Variants in RERG observed in about 807,000 individuals in gnomAD.
RERG encodes RAS like estrogen regulated growth inhibitor, also known as ras-related and estrogen-regulated growth inhibitor.
RERG carries 25 observed loss-of-function variants against 23.2 expected under a neutral mutation model. The observed-to-expected ratio is 1.08, with a 90% CI of 0.79 to 1.50. The LOEUF (loss-of-function observed/expected upper bound fraction) is 1.50. Ranked by LOEUF, RERG falls within the 40% of genes most tolerant of loss-of-function variation. The probability of loss-of-function intolerance (pLI) is 0.00; values close to 1 mark genes in which losing one functional copy is unlikely to be tolerated. For missense variants in RERG, 253 were observed against 250.1 expected (o/e 1.01, Z -0.08); for synonymous variants, 81 against 89.1 (o/e 0.91, Z 0.51).
Position 15,181,119 on chromosome 12 carries a change from C to T in RERG, c.61+36310G>A, listed in dbSNP as rs1000458934. Among the ~76,000 whole-genome samples the T allele has an allele frequency of 9.2e-5, 14 of 152,214 alleles. No individual in the cohort carries two copies. In the East Asian group the frequency reaches 1.2e-3, roughly 13 times the overall value. ...TTTGGTTCACCTTCTGCCGCTGAGA[C>T]TCTAGTAAGCACAGCACATAACATT... On this transcript the variant is annotated intron_variant, in intron 2 of 4. Transcript: ENST00000256953.
chr12:15,166,914 A>G (rs1041225635), intron 2 of RERG, among the ~76,000 whole-genome samples: 6 of 151,776 alleles, frequency 4.0e-5, no homozygotes, highest in African/African-American at 7.3e-5. Flanking sequence ...GGTTAGTTAC[A>G]TATGTATACA....
intron 2 of RERG, among the ~76,000 whole-genome samples, chr12:15,205,089 CTAATAT>C: frequency 6.6e-6 from 1 of 151,988 alleles, no homozygotes; most frequent in East Asian, 1.9e-4. Flanking sequence ...GTATAATTAT[CTAATAT>C]TATTTCAATA....
At chr12:15,213,510 T>TCA (rs1865397104) in intron 2 of RERG, among the ~76,000 whole-genome samples, 1 of 152,200 alleles carries the variant, frequency 6.6e-6, no homozygotes, top group Admixed American at 6.5e-5. Flanking sequence ...CCCACAGAGT[T>TCA]CACTGTACTA....
intron 2 of RERG, among the ~76,000 whole-genome samples, chr12:15,122,174 C>T (rs1447991013): frequency 6.6e-6 from 1 of 152,118 alleles, no homozygotes; most frequent in Non-Finnish European, 1.5e-5. Flanking sequence ...CTGATGGCCT[C>T]CCAGGGATCC....
intron 2 of RERG, among the ~76,000 whole-genome samples, chr12:15,192,517 G>A (rs1274055964): frequency 6.6e-6 from 1 of 152,072 alleles, no homozygotes; most frequent in Non-Finnish European, 1.5e-5. Context: ...ACATATAAAA[G>A]TTATGAAAAT....
chr12:15,140,835 G>A (rs577860351), intron 2 of RERG, among the ~76,000 whole-genome samples: 2 of 151,868 alleles, frequency 1.3e-5, no homozygotes, highest in African/African-American at 4.8e-5. Flanking sequence ...TATGTTTTTA[G>A]TCTTTGTTTT....
chr12:15,134,547 C>A (rs575879759), intron 2 of RERG, among the ~76,000 whole-genome samples: 1 of 152,080 alleles, frequency 6.6e-6, no homozygotes, highest in East Asian at 1.9e-4. Context: ...CTCTGAATGT[C>A]CTTCTCACTT....
At chr12:15,204,541 T>A (rs991520614) in intron 2 of RERG, among the ~76,000 whole-genome samples, 1 of 151,866 alleles carries the variant, frequency 6.6e-6, no homozygotes, top group East Asian at 1.9e-4. Flanking sequence ...ATTAATAACA[T>A]GTGAATTGCT....
At position 15,129,828 on chromosome 12, in the gene RERG, G is replaced by T. The variant is rs183420974; in HGVS notation, c.62-8709C>A. 6.7e-4 allele frequency among the ~76,000 whole-genome samples: 102 copies of T among 152,188 alleles called. 2 individuals carry two copies. The highest frequency in any genetic ancestry group is 2.2e-3 in the African/African-American group (93 of 41,536). On this transcript the variant is annotated intron_variant, in intron 2 of 4. Transcript: ENST00000256953. ...CACTAAGGAGCTTGGATTTTACTCT[G>T]AAGTTTTTGAGCATACAGGGGTTCT... is the stretch of plus-strand genomic sequence containing the variant.
chr12:15,216,111 CCCT>C (rs1487869916), intron 2 of RERG, among the ~76,000 whole-genome samples: 2 of 152,180 alleles, frequency 1.3e-5, no homozygotes, highest in African/African-American at 4.8e-5. Context: ...ACACTGCCTT[CCCT>C]CCATCCTCCA....
chr12:15,160,789 A>T (rs532996391), intron 2 of RERG, among the ~76,000 whole-genome samples: 87 of 152,272 alleles, frequency 5.7e-4, no homozygotes, highest in Non-Finnish European at 1.0e-3. Flanking sequence ...TTGGAAAAAT[A>T]CATCAGGGTT....
chr12:15,220,664 T>A (rs768927317), intron 1 of RERG, among the ~76,000 whole-genome samples: 4 of 152,186 alleles, frequency 2.6e-5, no homozygotes, highest in Non-Finnish European at 5.9e-5. Context: ...TGCTTGGAAC[T>A]TCTGTTTGCA....
intron 2 of RERG, among the ~76,000 whole-genome samples, chr12:15,172,967 A>C (rs1864797156): frequency 2.0e-5 from 3 of 152,020 alleles, no homozygotes; most frequent in African/African-American, 7.2e-5. Flanking sequence ...TAATGCATAA[A>C]AAGTTTCCAG....
chr12:15,213,639 C>A (rs1351758800), intron 2 of RERG, among the ~76,000 whole-genome samples: 1 of 152,238 alleles, frequency 6.6e-6, no homozygotes, highest in Non-Finnish European at 1.5e-5. Flanking sequence ...TGTGCGTGCA[C>A]ATACACACAT....
chr12:15,160,123 G>A (rs936388584), intron 2 of RERG, among the ~76,000 whole-genome samples: 5 of 151,912 alleles, frequency 3.3e-5, no homozygotes, highest in African/African-American at 9.7e-5. Context: ...CCACAGTTGA[G>A]CAGTTTTTAT....
In RERG at chr12:15,194,067, C is replaced by T. The variant is rs578238630; in HGVS notation, c.61+23362G>A. Among the ~76,000 whole-genome samples, 355 of 152,200 alleles carry T rather than the reference C, an allele frequency of 2.3e-3. 2 individuals carry two copies. The highest frequency in any genetic ancestry group is 7.9e-3 in the African/African-American group (330 of 41,518). On this transcript the variant is annotated intron_variant, in intron 2 of 4. Coordinates refer to ENST00000256953, the MANE Select transcript of RERG (RefSeq NM_032918.3). Reference sequence around the variant, plus strand: ...TTTACAAGAACAATCAAAACAATGACTCATGAACTCTGTGCAAGAATTTAA... The same window carrying T: ...TTTACAAGAACAATCAAAACAATGATTCATGAACTCTGTGCAAGAATTTAA...
At chr12:15,147,609 G>A (rs958280318) in intron 2 of RERG, among the ~76,000 whole-genome samples, 5 of 152,176 alleles carry the variant, frequency 3.3e-5, no homozygotes, top group South Asian at 2.1e-4. Context: ...GTTTCAAAAT[G>A]TGACAACTTG....
intron 2 of RERG, among the ~76,000 whole-genome samples, chr12:15,185,307 C>T (rs946969666): frequency 6.6e-6 from 1 of 152,144 alleles, no homozygotes; most frequent in Non-Finnish European, 1.5e-5. Context: ...GTGGCCTAGA[C>T]ATCAAGATTT....
intron 2 of RERG, among the ~76,000 whole-genome samples, chr12:15,206,468 G>A (rs1055166107): frequency 5.3e-5 from 8 of 152,096 alleles, no homozygotes; most frequent in African/African-American, 1.9e-4. Flanking sequence ...TACCTCAAAT[G>A]GAAATTGAGT....
Sources: gnomAD v4.1 joint callset for allele counts (sites outside exome capture counted in the v4.1 genomes callset) on GRCh38, gnomAD v4.1.1 for gene constraint, MANE v1.5 for transcripts, NCBI Gene and HGNC (gene_info 2026-07-23, HGNC 2026-07-21) for gene names.